Variants in LRRIQ1 observed in about 807,000 individuals in gnomAD.
LRRIQ1 encodes the protein leucine-rich repeat- and IQ domain-containing protein 1.
A neutral mutation model predicts 211.9 loss-of-function variants in LRRIQ1; 210 were observed. The ratio of observed to expected loss-of-function variants is 0.99; its 90% CI spans 0.89 to 1.11. LRRIQ1 has a LOEUF of 1.11. LRRIQ1 is among the 50% of genes most tolerant of loss of function. LRRIQ1 has a pLI of 0.00. For synonymous variants in LRRIQ1, 699 were observed against 650.1 expected, an observed-to-expected ratio of 1.08 and a Z score of -1.14; for missense variants, 2,136 against 1,939.5, an observed-to-expected ratio of 1.10 and a Z score of -1.90.
At chr12:85,161,443 A>G (rs1890871862) in intron 24 of LRRIQ1, among the ~76,000 whole-genome samples, 1 of 152,002 alleles carries the variant, frequency 6.6e-6, no homozygotes, top group South Asian at 2.1e-4. Context: ...TCATTTTAGT[A>G]TAAGTTTTTT....
At chr12:85,182,629 C>G (rs1892037020) in intron 24 of LRRIQ1, among the ~76,000 whole-genome samples, 1 of 152,082 alleles carries the variant, frequency 6.6e-6, no homozygotes, top group Non-Finnish European at 1.5e-5. Context: ...AATGTGAGCT[C>G]ACACAATAGA....
At chr12:85,075,184 C>T (rs1489367616) in intron 11 of LRRIQ1, among the ~76,000 whole-genome samples, 2 of 152,020 alleles carry the variant, frequency 1.3e-5, no homozygotes, top group African/African-American at 2.4e-5. Flanking sequence ...CAGTGGCTCA[C>T]GCTTATAATC....
chr12:85,239,701 G>A (rs577858318), intron 26 of LRRIQ1, among the ~76,000 whole-genome samples: 5 of 151,184 alleles, frequency 3.3e-5, no homozygotes, highest in Non-Finnish European at 7.4e-5. Flanking sequence ...GAAGAGGCCT[G>A]GCATGGTGGC....
At chr12:85,199,978 T>G (rs1478252420) in intron 24 of LRRIQ1, among the ~76,000 whole-genome samples, 1 of 152,176 alleles carries the variant, frequency 6.6e-6, no homozygotes, top group African/African-American at 2.4e-5. Flanking sequence ...ATATGAATTT[T>G]AAAATAGTAT....
intron 24 of LRRIQ1, among the ~76,000 whole-genome samples, chr12:85,198,703 G>A (rs545993107): frequency 6.6e-6 from 1 of 152,072 alleles, no homozygotes; most frequent in African/African-American, 2.4e-5. Flanking sequence ...AAGTAGCTGG[G>A]ACTACAGGCG....
chr12:85,225,831 A>G (rs1894624574), intron 24 of LRRIQ1, among the ~76,000 whole-genome samples: 1 of 152,190 alleles, frequency 6.6e-6, no homozygotes. Context: ...AGTTGCTAAA[A>G]GAAGGACTTC....
At chr12:85,218,094 TA>T (rs1480407227) in intron 24 of LRRIQ1, among the ~76,000 whole-genome samples, 1 of 152,078 alleles carries the variant, frequency 6.6e-6, no homozygotes, top group Non-Finnish European at 1.5e-5. Context: ...TAAAATCAAT[TA>T]AGACCATCTA....
intron 13 of LRRIQ1, among the ~76,000 whole-genome samples, chr12:85,100,561 C>T (rs1299589078): frequency 6.6e-6 from 1 of 151,576 alleles, no homozygotes; most frequent in African/African-American, 2.4e-5. Flanking sequence ...AGCATTTTGG[C>T]ATAAAAGAAC....
In LRRIQ1 at chr12:85,211,136, C is replaced by T. The variant is rs7485377; in HGVS notation, c.4823-18381C>T. On this transcript the variant is annotated intron_variant, in intron 24 of 26. Transcript: ENST00000393217. The stretch of plus-strand genomic sequence containing the variant: ...TGCTTCTTTTTCAGCATTCATAAAA[C>T]TATGCCATGCTCACATCAACCTGAA... Among the ~76,000 whole-genome samples the T allele has an allele frequency of 3.3e-5, 5 of 152,308 alleles. No individual in the cohort carries two copies. In the East Asian group the frequency reaches 7.7e-4, roughly 23 times the overall value.
At chr12:85,188,941 A>G (rs899007492) in intron 24 of LRRIQ1, among the ~76,000 whole-genome samples, 12 of 152,176 alleles carry the variant, frequency 7.9e-5, no homozygotes, top group African/African-American at 2.4e-4. Context: ...TGAAGAAATC[A>G]GGTTCAGCAA....
Position 85,236,830 on chromosome 12 carries a change from CATATATATATAT to C in LRRIQ1, c.5016+4089_5016+4100del, listed in dbSNP as rs60371759. Among the ~76,000 whole-genome samples, 187 of 108,802 alleles carry C rather than the reference CATATATATATAT, an allele frequency of 1.7e-3. 9 individuals are homozygous for C. The highest frequency in any genetic ancestry group is 7.8e-3 in the African/African-American group (175 of 22,344). 71.4% of individuals were successfully genotyped at this position (108,802 alleles called of 152,430 possible). A position where few individuals can be genotyped will look rare whatever the true frequency, so the allele number is the denominator to read the frequency against. On this transcript the variant is annotated intron_variant, in intron 26 of 26. Transcript: ENST00000393217. The stretch of plus-strand genomic sequence containing the variant: ...CTGGATATATGTATGTGTATGTGTG[CATATATATATAT>C]ATATATATATATATCTCCCAGATTA...
chr12:85,069,803 G>A (rs970886831), intron 10 of LRRIQ1, among the ~76,000 whole-genome samples: 1 of 151,688 alleles, frequency 6.6e-6, no homozygotes, highest in Non-Finnish European at 1.5e-5. Flanking sequence ...TTTTTCTTGT[G>A]AGTTTGTTGG....
rs762205980 is a variant in LRRIQ1, at chr12:85,066,912, A to C, written c.2695+14A>C. On this transcript the variant is annotated intron_variant, in intron 10 of 26. Coordinates refer to ENST00000393217, the MANE Select transcript of LRRIQ1 (RefSeq NM_001079910.2). The stretch of plus-strand genomic sequence containing the variant: ...TTACTCGAATTGGTAAGAACAATGA[A>C]ATTTTAATATTTAAAGATATATTTC... The C allele has an allele frequency of 3.8e-6, 5 of 1,329,362 alleles. No individual in the cohort carries two copies. The highest frequency in any genetic ancestry group is 1.0e-6 in the Non-Finnish European group (1 of 979,490). 82.3% of individuals were successfully genotyped at this position (1,329,362 alleles called of 1,614,324 possible). A position where few individuals can be genotyped will look rare whatever the true frequency, so the allele number is the denominator to read the frequency against.
chr12:85,044,685 A>G, intron 3 of LRRIQ1, 33 bp from the exon 4 acceptor site: 1 of 1,119,472 alleles, frequency 8.9e-7, no homozygotes, highest in Non-Finnish European at 1.3e-6. Flanking sequence ...GTACTCTAAT[A>G]TTGGAAGTTA....
intron 15 of LRRIQ1, among the ~76,000 whole-genome samples, chr12:85,107,904 T>C (rs1425200653): frequency 6.6e-6 from 1 of 152,144 alleles, no homozygotes; most frequent in Admixed American, 6.5e-5. Flanking sequence ...GTAATTTCTC[T>C]TCTAATCATG....
intron 17 of LRRIQ1, among the ~76,000 whole-genome samples, chr12:85,126,836 A>AAC (rs1293506956): frequency 2.6e-5 from 4 of 152,048 alleles, no homozygotes; most frequent in Non-Finnish European, 4.4e-5. Flanking sequence ...CTATGAGAAA[A>AAC]AAAATGTGTG....
At chr12:85,213,553 T>C (rs1339390169) in intron 24 of LRRIQ1, among the ~76,000 whole-genome samples, 3 of 152,026 alleles carry the variant, frequency 2.0e-5, no homozygotes, top group South Asian at 2.1e-4. Flanking sequence ...TAGGCCCACA[T>C]AGGACTTTTA....
At chr12:85,060,772 T>C (rs1881702391) in intron 8 of LRRIQ1, among the ~76,000 whole-genome samples, 1 of 151,948 alleles carries the variant, frequency 6.6e-6, no homozygotes, top group Admixed American at 6.6e-5. Context: ...ATAGACTTGT[T>C]GCTTGCATTA....
At chr12:85,091,050 G>A (rs932125460) in intron 11 of LRRIQ1, among the ~76,000 whole-genome samples, 3 of 152,088 alleles carry the variant, frequency 2.0e-5, no homozygotes, top group African/African-American at 7.2e-5. Flanking sequence ...TGGTTTAAAA[G>A]TGTGTGGCAT....
Sources: gnomAD v4.1 joint callset for allele counts (sites outside exome capture counted in the v4.1 genomes callset) on GRCh38, gnomAD v4.1.1 for gene constraint, MANE v1.5 for transcripts, NCBI Gene and HGNC (gene_info 2026-07-23, HGNC 2026-07-21) for gene names.